MSRA: variants seen among roughly 807,000 people sequenced by gnomAD.
The protein encoded by MSRA is mitochondrial peptide methionine sulfoxide reductase.
In MSRA, 54 loss-of-function variants were observed where a neutral mutation model predicts 31.3. The ratio of observed to expected loss-of-function variants is 1.73; its 90% confidence interval spans 1.39 to 2.17. MSRA has a LOEUF of 2.17. MSRA is among the 30% of genes most tolerant of loss of function. The pLI, the probability that MSRA is intolerant of heterozygous loss-of-function variation, is 0.00. For synonymous variants in MSRA, 169 were observed against 116.5 expected, an observed-to-expected ratio of 1.45 and a Z score of -2.90; for missense variants, 507 against 300.9, an observed-to-expected ratio of 1.69 and a Z score of -5.07.
At chr8:10,196,592 C>T (rs1284564251) in intron 1 of MSRA, among the ~76,000 whole-genome samples, 1 of 152,132 alleles carries the variant, frequency 6.6e-6, no homozygotes, top group East Asian at 1.9e-4. Flanking sequence ...CTCTGTCACC[C>T]AGGCTGGAGT....
At chr8:10,257,444 T>A (rs1465689874) in intron 3 of MSRA, among the ~76,000 whole-genome samples, 1 of 152,186 alleles carries the variant, frequency 6.6e-6, no homozygotes, top group East Asian at 1.9e-4. Flanking sequence ...TTCGCTCTTG[T>A]TGCCCAGGCT....
At chr8:10,233,522 A>G (rs554491723) in intron 2 of MSRA, among the ~76,000 whole-genome samples, 1 of 152,366 alleles carries the variant, frequency 6.6e-6, no homozygotes, top group South Asian at 2.1e-4. Context: ...CTAAATATAA[A>G]ACTTGGAATA....
chr8:10,095,524 T>G (rs1345390104), intron 1 of MSRA: 10 of 985,064 alleles, frequency 1.0e-5, no homozygotes, highest in Non-Finnish European at 1.2e-5. Flanking sequence ...CCAAGACTGC[T>G]CGGAAGGTTG....
At chr8:10,410,032 C>A (rs763976626) in intron 5 of MSRA, among the ~76,000 whole-genome samples, 1 of 152,202 alleles carries the variant, frequency 6.6e-6, no homozygotes, top group Non-Finnish European at 1.5e-5. Flanking sequence ...TGCACTCCCC[C>A]CTGGGTTACA....
chr8:10,417,787 C>G (rs1031560382), intron 5 of MSRA, among the ~76,000 whole-genome samples: 1 of 51,332 alleles, frequency 1.9e-5, no homozygotes, highest in African/African-American at 9.1e-5. Context: ...TGTCTGTGTA[C>G]ACGCACGTGT....
chr8:10,297,935 TG>T (rs1194432241), intron 3 of MSRA, among the ~76,000 whole-genome samples: 1 of 152,248 alleles, frequency 6.6e-6, no homozygotes, highest in Admixed American at 6.5e-5. Context: ...ATTTCTTATC[TG>T]GGCTACAGCC....
intron 1 of MSRA, among the ~76,000 whole-genome samples, chr8:10,194,955 C>T (rs10100022): frequency 0.13 from 19,710 of 152,230 alleles, 2,303 homozygotes; most frequent in African/African-American, 0.31. Context: ...TCAAAAGTAA[C>T]AAGAGTTTTT....
intron 1 of MSRA, among the ~76,000 whole-genome samples, chr8:10,148,364 T>C (rs1397348452): frequency 6.6e-6 from 1 of 151,874 alleles, no homozygotes. Flanking sequence ...AATAGGAATT[T>C]AGGCCAGGCA....
Position 10,338,835 on chromosome 8 carries a change from C to G in MSRA, c.543+18846C>G, listed in dbSNP as rs146047507. Among the ~76,000 whole-genome samples the G allele has an allele frequency of 9.4e-4, 143 of 152,226 alleles. 4 individuals are homozygous for G. The Middle Eastern group carries it at 0.024, about 25-fold the overall frequency. ...TAACCTGCAAAACTGAGCTAGCAACCCTTGCCCTGATCACTCTCTTTGGGG... is the reference window on the plus strand; with the variant it reads ...TAACCTGCAAAACTGAGCTAGCAACGCTTGCCCTGATCACTCTCTTTGGGG... On this transcript the variant is annotated intron_variant, in intron 5 of 5. Coordinates refer to ENST00000317173, the MANE Select transcript of MSRA (RefSeq NM_012331.5).
chr8:10,288,675 AT>A (rs1015117197), intron 3 of MSRA, among the ~76,000 whole-genome samples: 2 of 152,130 alleles, frequency 1.3e-5, no homozygotes, highest in Non-Finnish European at 2.9e-5. Context: ...TCTTAGTTCC[AT>A]TTTTTAAAAA....
At chr8:10,287,790 G>A (rs1013702301) in intron 3 of MSRA, among the ~76,000 whole-genome samples, 4 of 152,134 alleles carry the variant, frequency 2.6e-5, no homozygotes, top group Non-Finnish European at 4.4e-5. Context: ...CAGGGGTCAA[G>A]GGGACCATGG....
Position 10,066,648 on chromosome 8 carries a change from C to G in MSRA, c.142+11990C>G, listed in dbSNP as rs186479422. Among the ~76,000 whole-genome samples, 233 of 152,276 alleles carry G rather than the reference C, an allele frequency of 1.5e-3. 1 individual carries two copies. The highest frequency in any genetic ancestry group is 5.1e-3 in the African/African-American group (211 of 41,558). Reference sequence around the variant, plus strand: ...TCCCAGCTTCAAGTGATTGTTCTGCCTCAGCCTTCCGAGTAGATGGGATTA... The same window carrying G: ...TCCCAGCTTCAAGTGATTGTTCTGCGTCAGCCTTCCGAGTAGATGGGATTA... On this transcript the variant is annotated intron_variant, in intron 1 of 5. Coordinates refer to ENST00000317173, the MANE Select transcript of MSRA (RefSeq NM_012331.5).
At chr8:10,415,285 T>C (rs980758952) in intron 5 of MSRA, among the ~76,000 whole-genome samples, 1 of 152,104 alleles carries the variant, frequency 6.6e-6, no homozygotes, top group Admixed American at 6.5e-5. Context: ...TGCTTGGAAT[T>C]TGTGAGGTGT....
intron 3 of MSRA, among the ~76,000 whole-genome samples, chr8:10,292,855 TGGGTGTGAG>T (rs1479565606): frequency 6.6e-6 from 1 of 150,428 alleles, no homozygotes; most frequent in Admixed American, 6.6e-5. Flanking sequence ...GAGCCGGTGG[TGGGTGTGAG>T]GGGTTAGCCT....
chr8:10,286,944 T>C (rs1799969505), intron 3 of MSRA, among the ~76,000 whole-genome samples: 1 of 152,224 alleles, frequency 6.6e-6, no homozygotes, highest in African/African-American at 2.4e-5. Context: ...ATAACTGCTG[T>C]GCTGACAAGG....
intron 4 of MSRA, among the ~76,000 whole-genome samples, chr8:10,305,530 C>T (rs1801088048): frequency 1.3e-5 from 2 of 151,594 alleles, no homozygotes; most frequent in Admixed American, 6.6e-5. Flanking sequence ...TCTCCTGCCT[C>T]AGCCTCCTGA....
intron 2 of MSRA, among the ~76,000 whole-genome samples, chr8:10,235,585 A>C (rs1405112205): frequency 6.6e-6 from 1 of 152,196 alleles, no homozygotes; most frequent in Non-Finnish European, 1.5e-5. Context: ...AAAGAGGATC[A>C]GTGAAACCCA....
intron 5 of MSRA, among the ~76,000 whole-genome samples, chr8:10,354,601 A>C (rs1361573927): frequency 6.6e-6 from 1 of 152,140 alleles, no homozygotes; most frequent in African/African-American, 2.4e-5. Flanking sequence ...ATATTCGTGA[A>C]ATATCGGTCA....
intron 1 of MSRA, among the ~76,000 whole-genome samples, chr8:10,130,532 C>A (rs532722977): frequency 1.3e-5 from 2 of 152,286 alleles, no homozygotes. Context: ...GACATTCTTT[C>A]ACTGGGAAGC....
Sources: allele counts gnomAD v4.1 joint callset (sites outside exome capture counted in the v4.1 genomes callset), GRCh38; gene constraint gnomAD v4.1.1; transcripts MANE v1.5; gene names NCBI Gene and HGNC (gene_info 2026-07-23, HGNC 2026-07-21).